The following SHMT2 variants were observed in gnomAD, a reference collection of about 807,000 sequenced individuals.
The protein encoded by SHMT2 is serine hydroxymethyltransferase 2, also known as serine hydroxymethyltransferase, mitochondrial.
Under a neutral mutation model 59.6 loss-of-function variants are expected in SHMT2, and 38 were observed. The ratio of observed to expected loss-of-function variants is 0.64; its 90% CI spans 0.49 to 0.84. SHMT2 has a LOEUF of 0.84. Among genes scored for constraint, SHMT2 ranks in the 40% least tolerant of loss-of-function variants. The pLI is 0.00. For synonymous variants in SHMT2, 254 were observed against 258.1 expected, an observed-to-expected ratio of 0.98 and a Z score of 0.15; for missense variants, 533 against 659.5, an observed-to-expected ratio of 0.81 and a Z score of 2.10.
Position 57,232,522 on chromosome 12 carries a change from A to G in SHMT2, c.664A>G (p.Ile222Val), listed in dbSNP as rs749243816. Reference protein sequence around the residue: ...TARLFRPRLIIAGTSAYARLI... With the variant: ...TARLFRPRLIVAGTSAYARLI... ...TCGACTTTTCCGGCCACGGCTCATC[A>G]TAGCTGGCACCAGCGCCTATGCTCG... The change falls in exon 6 of 12, where the codon ATA (isoleucine) becomes GTA (valine). Residue 222 changes from isoleucine to valine, a missense_variant. Transcript: ENST00000328923. 2 of 1,614,166 alleles carry G rather than the reference A, an allele frequency of 1.2e-6. No homozygotes were observed. The highest frequency in any genetic ancestry group is 1.7e-6 in the Non-Finnish European group (2 of 1,180,014).
chr12:57,230,452 C>T (rs899545459), intron 1 of SHMT2: 11 of 1,192,652 alleles, frequency 9.2e-6, no homozygotes, highest in Non-Finnish European at 1.2e-5. Context: ...CAGGAAGACC[C>T]TCTTGTTCCT....
Position 57,233,732 on chromosome 12 carries a change from T to C in SHMT2, c.1124-17T>C. The C allele has an allele frequency of 3.7e-6, 6 of 1,613,754 alleles. No homozygotes were observed. The highest frequency in any genetic ancestry group is 2.5e-6 in the Non-Finnish European group (3 of 1,179,750). The stretch of plus-strand genomic sequence containing the variant: ...GAGGCCCAGGACTCACCACTCCCCA[T>C]TTCTTACCCACCTTAGGTGGTACTG... On this transcript the variant is annotated splice_polypyrimidine_tract_variant and intron_variant, in intron 9 of 11. Transcript: ENST00000328923.
rs916552993 is a variant in SHMT2, at chr12:57,230,076, C to T, written c.33+265C>T. The T allele has an allele frequency of 2.2e-6, 3 of 1,384,152 alleles. No homozygotes were observed. The African/African-American group carries it at 4.4e-5, about 20-fold the overall frequency. 85.7% of individuals were successfully genotyped at this position (1,384,152 alleles called of 1,614,324 possible). On this transcript the variant is annotated intron_variant, in intron 1 of 11. Transcript: ENST00000328923. ...GTGGCATTAGGGGAGAGGACAGCCC[C>T]GGATGCCCCGCGGACCCGGTGCTGG... is the stretch of plus-strand genomic sequence containing the variant.
chr12:57,230,161 C>T, intron 1 of SHMT2: 2 of 1,309,886 alleles, frequency 1.5e-6, no homozygotes, highest in Non-Finnish European at 2.0e-6. Context: ...CAGCTCTGAG[C>T]CCTGCAGATG....
chr12:57,230,894 G>T lies in SHMT2; in HGVS notation c.125G>T (p.Gly42Val). The T allele has an allele frequency of 6.2e-7, 1 of 1,614,118 alleles. No homozygotes were observed. Among genetic ancestry groups the T allele is most frequent in the Non-Finnish European group, 8.5e-7 (1 of 1,180,030 alleles). The change falls in exon 2 of 12, where the codon GGC (glycine) becomes GTC (valine). Residue 42 changes from glycine (G) to valine (V), a missense_variant. Coordinates refer to ENST00000328923, the MANE Select transcript of SHMT2 (RefSeq NM_005412.6). ...AQTQTGEANR[G>V]WTGQESLSDS... ...ACTCAGACTGGGGAAGCAAACAGGG[G>T]CTGGACAGGCCAGGAGAGCCTGTCG...
At position 57,234,403 on chromosome 12, in the gene SHMT2, C is replaced by G. The variant is rs1592689250; in HGVS notation, c.*42C>G. The G allele has an allele frequency of 3.3e-6, 5 of 1,531,636 alleles. 1 individual carries two copies. In the Middle Eastern group the frequency reaches 7.1e-4, roughly 218 times the overall value. 94.9% of individuals were successfully genotyped at this position (1,531,636 alleles called of 1,614,324 possible). A position where few individuals can be genotyped will look rare whatever the true frequency, so the allele number is the denominator to read the frequency against. On this transcript the variant is annotated 3_prime_UTR_variant, in exon 12 of 12. Coordinates refer to ENST00000328923, the MANE Select transcript of SHMT2 (RefSeq NM_005412.6). ...AGGCCCACAGACTCAAAGTTACTCTCCTTCCCCCTACCTGGGCCAGTGAAA... is the reference window on the plus strand; with the variant it reads ...AGGCCCACAGACTCAAAGTTACTCTGCTTCCCCCTACCTGGGCCAGTGAAA...
In SHMT2 at chr12:57,232,535, G is replaced by C; in HGVS notation, c.677G>C (p.Ser226Thr). ...FRPRLIIAGT[S>T]AYARLIDYAR... ...CCACGGCTCATCATAGCTGGCACCA[G>C]CGCCTATGCTCGCCTCATTGACTAC... The change falls in exon 6 of 12, where the codon AGC (serine) becomes ACC (threonine). Residue 226 changes from serine to threonine, a missense_variant. Coordinates refer to ENST00000328923, the MANE Select transcript of SHMT2 (RefSeq NM_005412.6). 6.2e-7 allele frequency: 1 copy of C among 1,614,208 alleles called. No individual in the cohort carries two copies. Among genetic ancestry groups the C allele is most frequent in the Non-Finnish European group, 8.5e-7 (1 of 1,180,008 alleles).
chr12:57,230,148 G>A (rs1389746332), intron 1 of SHMT2: 6 of 1,307,038 alleles, frequency 4.6e-6, no homozygotes, highest in African/African-American at 1.5e-5. Flanking sequence ...GAGCCTTTCC[G>A]GCCAGCTCTG....
In SHMT2 at chr12:57,234,130, C is replaced by A. The variant is rs1188596944; in HGVS notation, c.1387+20C>A. The stretch of plus-strand genomic sequence containing the variant: ...AGACTGGTGAGTGAGCAAGAAGGAG[C>A]CCCGGGCCAGCCAGTTCCCACTCAC... On this transcript the variant is annotated intron_variant, in intron 11 of 11. Transcript: ENST00000328923. 6.2e-7 allele frequency: 1 copy of A among 1,613,606 alleles called. No individual in the cohort carries two copies. Among genetic ancestry groups the A allele is most frequent in the African/African-American group, 1.3e-5 (1 of 74,912 alleles).
rs886286491 is a variant in SHMT2, at chr12:57,231,924, A to G, written c.512+11A>G. On this transcript the variant is annotated intron_variant, in intron 4 of 11. Transcript: ENST00000328923. ...GCCCGATGGGGGCCAGTGAGTATGG[A>G]TGGGCTGGCTGATGGTCTTGGCGGC... 4.4e-6 allele frequency: 7 copies of G among 1,599,734 alleles called. No homozygotes were observed. Among genetic ancestry groups the G allele is most frequent in the Non-Finnish European group, 5.1e-6 (6 of 1,172,620 alleles).
In SHMT2 at chr12:57,233,275, C is replaced by T. The variant is rs1168449397; in HGVS notation, c.953C>T (p.Ala318Val). 7 of 1,609,130 alleles carry T rather than the reference C, an allele frequency of 4.4e-6. No homozygotes were observed. The highest frequency in any genetic ancestry group is 5.9e-6 in the Non-Finnish European group (7 of 1,177,534). ...PYTFEDRINF[A>V]VFPSLQGGPH... ...ACATTTGAGGACCGAATCAACTTTG[C>T]CGTGTTCCCATCCCTGCAGGGGGGC... The change falls in exon 8 of 12, where the codon GCC becomes GTC. Residue 318 changes from alanine (A) to valine (V), a missense_variant. Ala to Val is a moderately conservative substitution (Grantham distance 64). Transcript: ENST00000328923.
At chr12:57,232,327 C>T in intron 5 of SHMT2, 35 bp downstream of exon 5, 1 of 1,612,432 alleles carries the variant, frequency 6.2e-7, no homozygotes, top group Non-Finnish European at 8.5e-7. Flanking sequence ...GGGCTCTTGG[C>T]CCTGGTGGTG....
chr12:57,229,823 G>T lies in SHMT2; in HGVS notation c.33+12G>T. The T allele has an allele frequency of 1.2e-6, 2 of 1,614,156 alleles. No homozygotes were observed. The highest frequency in any genetic ancestry group is 1.7e-6 in the Non-Finnish European group (2 of 1,179,986). On this transcript the variant is annotated intron_variant, in intron 1 of 11. Transcript: ENST00000328923. ...TTTGGGCGGCTCGGGTAAGAATGGG[G>T]CTCCAAACGCTGGGTAATCAGTGGA...
In SHMT2 at chr12:57,232,447, G is replaced by C. The variant is rs370198751; in HGVS notation, c.595-6G>C. 2 of 1,614,140 alleles carry C rather than the reference G, an allele frequency of 1.2e-6. No individual in the cohort carries two copies. The highest frequency in any genetic ancestry group is 1.3e-5 in the African/African-American group (1 of 75,024). On this transcript the variant is annotated splice_polypyrimidine_tract_variant and splice_region_variant and intron_variant, in intron 5 of 11. Transcript: ENST00000328923. ...CAGGGCTTTAGCTGTTTGTGTGTCT[G>C]TCCAGCCCAAAACTGGCCTCATTGA...
In SHMT2 at chr12:57,229,764, G is replaced by C. The variant is rs764409005; in HGVS notation, c.-15G>C. On this transcript the variant is annotated 5_prime_UTR_variant, in exon 1 of 12. Transcript: ENST00000328923. ...CAGAGTTGGTGGCTGGACCTCCTGC[G>C]ACTTCCGAGTTGCGATGCTGTACTT... The C allele has an allele frequency of 4.3e-6, 7 of 1,614,026 alleles. No individual in the cohort carries two copies. The highest frequency in any genetic ancestry group is 1.7e-5 in the Admixed American group (1 of 60,002).
intron 7 of SHMT2, 83 bp from the exon 8 acceptor site, chr12:57,233,097 C>T (rs2136792016): frequency 2.0e-6 from 3 of 1,467,848 alleles, no homozygotes; most frequent in Non-Finnish European, 2.7e-6. Flanking sequence ...GCCCTTGGGG[C>T]CCAGGTCCGC....
intron 7 of SHMT2, 143 bp from the exon 8 acceptor site, chr12:57,233,037 C>A: frequency 1.6e-6 from 2 of 1,230,510 alleles, no homozygotes; most frequent in Non-Finnish European, 2.2e-6. Flanking sequence ...GATTGAGGGG[C>A]TGATTCCCTC....
At chr12:57,231,631 C>T (rs1336955932) in intron 3 of SHMT2, 71 bp downstream of exon 3, 6 of 1,611,212 alleles carry the variant, frequency 3.7e-6, no homozygotes, top group Non-Finnish European at 5.1e-6. Flanking sequence ...TCCCAGTGTT[C>T]ATTGAGGAGT....
At chr12:57,231,092 T>C in intron 2 of SHMT2, 92 bp downstream of exon 2, 1 of 1,267,194 alleles carries the variant, frequency 7.9e-7, no homozygotes, top group Non-Finnish European at 1.1e-6. Context: ...AAACCCCCTT[T>C]CACACTCAGG....
Sources: gnomAD v4.1 joint callset for allele counts on GRCh38, gnomAD v4.1.1 for gene constraint, MANE v1.5 for transcripts, NCBI Gene and HGNC (gene_info 2026-07-23, HGNC 2026-07-21) for gene names.